FER1L5: variants seen among roughly 807,000 people sequenced by gnomAD.
The protein encoded by FER1L5 is fer-1-like protein 5.
Under a neutral mutation model 279.9 loss-of-function variants are expected in FER1L5, and 187 were observed. The observed-to-expected ratio is 0.67, with a 90% CI of 0.59 to 0.75. The LOEUF is 0.75. Among genes scored for constraint, FER1L5 ranks in the 30% least tolerant of loss-of-function variants. FER1L5 has a pLI of 0.00. For missense variants in FER1L5, 2,091 were observed against 2,594.4 expected (o/e 0.81, Z 4.21); for synonymous variants, 921 against 989.7 (o/e 0.93, Z 1.30).
In FER1L5 at chr2:96,650,252, C is replaced by T. The variant is rs377426781; in HGVS notation, c.467C>T (p.Ala156Val). Residue 156 changes from alanine to valine, a missense_variant, in exon 6 of 53, where the codon GCG (alanine) becomes GTG (valine). Ala to Val is a moderately conservative substitution (Grantham distance 64). Coordinates refer to ENST00000624922, the MANE Select transcript of FER1L5 (RefSeq NM_001293083.2). ...SQKLMVPGST[A>V]HRALSSKPQH... is the part of the protein sequence containing the mutation. Reference sequence around the variant, plus strand: ...AAACTGATGGTCCCTGGCTCCACTGCGCACAGGGCTCTGTCCTCAAAGCCT... The same window carrying T: ...AAACTGATGGTCCCTGGCTCCACTGTGCACAGGGCTCTGTCCTCAAAGCCT... 1.1e-4 allele frequency: 171 copies of T among 1,551,594 alleles called. No homozygotes were observed. Among genetic ancestry groups the T allele is most frequent in the Non-Finnish European group, 1.2e-4 (138 of 1,146,996 alleles).
At chr2:96,684,589 G>A in intron 20 of FER1L5, 138 bp downstream of exon 20, 2 of 1,306,652 alleles carry the variant, frequency 1.5e-6, no homozygotes, top group Non-Finnish European at 1.0e-6. Flanking sequence ...TGAGAAGAAT[G>A]TGCCAGAAGC....
chr2:96,649,213 C>A (rs901382053), intron 4 of FER1L5, among the ~76,000 whole-genome samples: 1 of 152,032 alleles, frequency 6.6e-6, no homozygotes, highest in African/African-American at 2.4e-5. Context: ...GTAATGGGAG[C>A]ATATGAAGGA....
At position 96,663,513 on chromosome 2, in the gene FER1L5, GCT is replaced by G; in HGVS notation, c.1140+8_1140+9del. 6.4e-7 allele frequency: 1 copy of G among 1,551,424 alleles called. No homozygotes were observed. The highest frequency in any genetic ancestry group is 1.7e-4 in the Middle Eastern group (1 of 5,992). ...TCCTGACCTTCCGGATTCAGGTATG[GCT>G]CCTCCATCATGCCCACCCTTCTCCC... On this transcript the variant is annotated splice_region_variant and intron_variant, in intron 14 of 52. Transcript: ENST00000624922.
chr2:96,686,364 A>G lies in FER1L5; in HGVS notation c.2229+14A>G, dbSNP rs767677354. On this transcript the variant is annotated intron_variant, in intron 23 of 52. Coordinates refer to ENST00000624922, the MANE Select transcript of FER1L5 (RefSeq NM_001293083.2). ...CTCTTCCTACAGGTGGGAATCAGGG[A>G]CTCCTCAGGGGAGGACAGGGCTGAG... is the stretch of plus-strand genomic sequence containing the variant. 6.1e-5 allele frequency: 95 copies of G among 1,548,234 alleles called. No homozygotes were observed. Among genetic ancestry groups the G allele is most frequent in the Non-Finnish European group, 8.0e-5 (92 of 1,145,312 alleles).
At chr2:96,686,402 G>A in intron 23 of FER1L5, 52 bp downstream of exon 23, 1 of 1,516,244 alleles carries the variant, frequency 6.6e-7, no homozygotes, top group Admixed American at 2.1e-5. Flanking sequence ...ATGCCCCCAG[G>A]GGAGCCCCCT....
chr2:96,700,549 A>T, intron 45 of FER1L5, 78 bp downstream of exon 45: 1 of 1,590,064 alleles, frequency 6.3e-7, no homozygotes, highest in Non-Finnish European at 8.6e-7. Context: ...TCCACCCAGG[A>T]CATAGTCCAC....
chr2:96,698,628 C>T lies in FER1L5; in HGVS notation c.4357-43C>T. ...CTCCCAGAGGGCTTTACAGAGCTGG[C>T]CAGCACTGCCAGGCTGGGCCCCCAA... On this transcript the variant is annotated intron_variant, in intron 40 of 52. Transcript: ENST00000624922. This position sits in a 1 kb window ranked among gnomAD's most constrained non-coding sequence, Gnocchi z 5.5. 6.6e-7 allele frequency: 1 copy of T among 1,522,712 alleles called. No individual in the cohort carries two copies. The highest frequency in any genetic ancestry group is 8.9e-7 in the Non-Finnish European group (1 of 1,119,968). 94.3% of individuals were successfully genotyped at this position (1,522,712 alleles called of 1,614,324 possible).
chr2:96,650,839 C>T (rs1192445496), intron 6 of FER1L5, among the ~76,000 whole-genome samples: 1 of 152,216 alleles, frequency 6.6e-6, no homozygotes, highest in Non-Finnish European at 1.5e-5. Flanking sequence ...TGGACCACTC[C>T]TCTTCCTGCA....
chr2:96,702,546 C>A lies in FER1L5; in HGVS notation c.5256-54C>A, dbSNP rs2077624490. ...GGCAGCCCTTCCCATGGGGCTCCAGCTGGGGGATGGGGCCAATGCACATGA... is the reference window on the plus strand; with the variant it reads ...GGCAGCCCTTCCCATGGGGCTCCAGATGGGGGATGGGGCCAATGCACATGA... On this transcript the variant is annotated intron_variant, in intron 47 of 52. Coordinates refer to ENST00000624922, the MANE Select transcript of FER1L5 (RefSeq NM_001293083.2). The surrounding 1 kb of genome is among the most constrained non-coding windows in gnomAD (Gnocchi z 4.0). The A allele has an allele frequency of 5.2e-6, 8 of 1,551,780 alleles. No homozygotes were observed. Among genetic ancestry groups the A allele is most frequent in the Non-Finnish European group, 7.0e-6 (8 of 1,147,110 alleles).
intron 18 of FER1L5, 65 bp downstream of exon 18, chr2:96,670,312 GATC>G: frequency 6.5e-7 from 1 of 1,539,046 alleles, no homozygotes; most frequent in Non-Finnish European, 8.8e-7. Context: ...ATCTACTGTG[GATC>G]CCAGTTTCTG....
chr2:96,645,159 G>A (rs1413324801), intron 1 of FER1L5, among the ~76,000 whole-genome samples: 2 of 152,140 alleles, frequency 1.3e-5, no homozygotes, highest in Admixed American at 1.3e-4. Flanking sequence ...AGGGTACACT[G>A]GGCTTTGCTC....
At chr2:96,682,978 G>A (rs185179954) in intron 19 of FER1L5, among the ~76,000 whole-genome samples, 6 of 152,190 alleles carry the variant, frequency 3.9e-5, no homozygotes, top group Non-Finnish European at 5.9e-5. Flanking sequence ...CATAAGCACC[G>A]AATGCCAACA....
At position 96,694,063 on chromosome 2, in the gene FER1L5, C is replaced by A. The variant is rs569289063; in HGVS notation, c.3627C>A (p.Leu1209=). ...TCTTGGCATCCTGTGAGCTGATCCT[C>A]CAGACTGAGGTATTGGGAGAGAGGG... ...GEILASCELI[L]QTEKLGEKQL... is the part of the protein sequence containing the mutation. The change falls in exon 33 of 53, where the codon CTC becomes CTA. Residue 1209 remains leucine (L), a synonymous_variant. Coordinates refer to ENST00000624922, the MANE Select transcript of FER1L5 (RefSeq NM_001293083.2). This position sits in a 1 kb window ranked among gnomAD's most constrained non-coding sequence, Gnocchi z 4.6. 6 of 1,541,928 alleles carry A rather than the reference C, an allele frequency of 3.9e-6. No homozygotes were observed. In the East Asian group the frequency reaches 1.2e-4, roughly 31 times the overall value.
At chr2:96,659,453 CT>C (rs1233094116) in intron 9 of FER1L5, among the ~76,000 whole-genome samples, 1 of 27,450 alleles carries the variant, frequency 3.6e-5, no homozygotes, top group South Asian at 1.8e-3. Context: ...TTCTTTCTTT[CT>C]TTCTTTCTTT....
At chr2:96,685,734 G>C (rs1220429527) in intron 21 of FER1L5, among the ~76,000 whole-genome samples, 1 of 152,204 alleles carries the variant, frequency 6.6e-6, no homozygotes, top group Non-Finnish European at 1.5e-5. Flanking sequence ...GGGAGGAAGG[G>C]AGAGGACTGG....
rs749818514 is a variant in FER1L5, at chr2:96,698,649, C to T, written c.4357-22C>T. On this transcript the variant is annotated intron_variant, in intron 40 of 52. Coordinates refer to ENST00000624922, the MANE Select transcript of FER1L5 (RefSeq NM_001293083.2). The surrounding 1 kb of genome is among the most constrained non-coding windows in gnomAD (Gnocchi z 5.5). ...CTGGCCAGCACTGCCAGGCTGGGCC[C>T]CCAACACCCTCCCCCCGCCAGGGCC... The T allele has an allele frequency of 1.2e-5, 19 of 1,568,792 alleles. No homozygotes were observed. The highest frequency in any genetic ancestry group is 1.6e-5 in the Non-Finnish European group (19 of 1,155,788).
At chr2:96,644,499 A>AAG (rs923448616) in intron 1 of FER1L5, among the ~76,000 whole-genome samples, 10 of 150,218 alleles carry the variant, frequency 6.7e-5, no homozygotes, top group South Asian at 6.4e-4. Context: ...GAAAGAGAGA[A>AAG]AGAGAGAGAG....
intron 23 of FER1L5, 79 bp from the exon 24 acceptor site, chr2:96,687,737 T>G (rs1367926112): frequency 2.0e-6 from 3 of 1,519,430 alleles, no homozygotes; most frequent in East Asian, 5.0e-5. Flanking sequence ...AAGGGGCAGG[T>G]ACAGCCCACT....
chr2:96,679,964 C>T (rs2076657642), intron 19 of FER1L5, among the ~76,000 whole-genome samples: 1 of 152,118 alleles, frequency 6.6e-6, no homozygotes, highest in Admixed American at 6.6e-5. Flanking sequence ...CTCATAAGCT[C>T]CTGAGCTCCT....
Sources: allele counts gnomAD v4.1 joint callset (sites outside exome capture counted in the v4.1 genomes callset), GRCh38; gene constraint gnomAD v4.1.1; non-coding constraint Gnocchi (gnomAD v3.1); transcripts MANE v1.5; gene names NCBI Gene and HGNC (gene_info 2026-07-23, HGNC 2026-07-21).